GRIK2: variants seen among roughly 807,000 people sequenced by gnomAD.
GRIK2 encodes the protein glutamate receptor ionotropic, kainate 2.
GRIK2 carries 32 observed loss-of-function variants against 100.3 expected under a neutral mutation model. That is an observed-to-expected ratio of 0.32 (90% CI 0.24 to 0.43). The LOEUF is 0.43. Among genes scored for constraint, GRIK2 ranks in the 20% least tolerant of loss-of-function variants. The pLI is 1.00. For synonymous variants in GRIK2, 417 were observed against 389.4 expected (o/e 1.07, Z -0.83); for missense variants, 843 against 1,114.9 (o/e 0.76, Z 3.47).
intron 2 of GRIK2, among the ~76,000 whole-genome samples, chr6:101,426,390 A>C (rs1219793772): frequency 6.6e-6 from 1 of 152,132 alleles, no homozygotes; most frequent in Non-Finnish European, 1.5e-5. Flanking sequence ...AATTATAGTC[A>C]CCCTGCCACG....
intron 7 of GRIK2, among the ~76,000 whole-genome samples, chr6:101,714,039 A>G (rs1468406057): frequency 2.0e-5 from 3 of 151,778 alleles, no homozygotes. Flanking sequence ...TAGTAAAATA[A>G]AGATCCACCT....
intron 7 of GRIK2, among the ~76,000 whole-genome samples, chr6:101,738,882 A>G (rs987850430): frequency 6.6e-6 from 1 of 152,224 alleles, no homozygotes; most frequent in Non-Finnish European, 1.5e-5. Context: ...ACACAATATT[A>G]GTGATGATAA....
chr6:101,534,756 C>G (rs1775606558), intron 2 of GRIK2, among the ~76,000 whole-genome samples: 1 of 151,824 alleles, frequency 6.6e-6, no homozygotes, highest in South Asian at 2.1e-4. Flanking sequence ...CAACAAAACT[C>G]ACCAACTAAA....
chr6:101,949,159 A>G (rs1004565601), intron 14 of GRIK2, among the ~76,000 whole-genome samples: 1 of 151,842 alleles, frequency 6.6e-6, no homozygotes, highest in African/African-American at 2.4e-5. Context: ...ATGGAAAGGG[A>G]GAATAAGAGA....
At chr6:101,960,207 AATTATCTG>A (rs1350898382) in intron 14 of GRIK2, among the ~76,000 whole-genome samples, 2,468 of 151,646 alleles carry the variant, frequency 0.016, 68 homozygotes, top group African/African-American at 0.057. Flanking sequence ...TTTTTTTAAA[AATTATCTG>A]TAATAATTTT....
At chr6:101,502,828 A>T (rs373392118) in intron 2 of GRIK2, among the ~76,000 whole-genome samples, 16 of 152,146 alleles carry the variant, frequency 1.1e-4, no homozygotes, top group African/African-American at 3.6e-4. Flanking sequence ...CCATCATTCT[A>T]GTTCAGGGTT....
intron 7 of GRIK2, among the ~76,000 whole-genome samples, chr6:101,750,635 A>T (rs185771067): frequency 6.6e-6 from 1 of 152,348 alleles, no homozygotes; most frequent in Admixed American, 6.5e-5. Flanking sequence ...CTATAGCAAG[A>T]AAAAGCATTC....
At chr6:101,893,790 G>A (rs1582474855) in intron 12 of GRIK2, among the ~76,000 whole-genome samples, 1 of 151,516 alleles carries the variant, frequency 6.6e-6, no homozygotes, top group Non-Finnish European at 1.5e-5. Context: ...TAAGAGTTGT[G>A]CCAAATGCTT....
chr6:101,494,654 G>A (rs898266871), intron 2 of GRIK2, among the ~76,000 whole-genome samples: 1 of 151,826 alleles, frequency 6.6e-6, no homozygotes, highest in Non-Finnish European at 1.5e-5. Context: ...ACCAGGGCCA[G>A]GCATGGTGGC....
At chr6:101,980,967 T>G (rs1172455079) in intron 14 of GRIK2, among the ~76,000 whole-genome samples, 1 of 151,436 alleles carries the variant, frequency 6.6e-6, no homozygotes, top group African/African-American at 2.4e-5. Context: ...CTTTTTGTTT[T>G]CTTGGATCCC....
At chr6:101,620,349 C>A (rs774341216) in intron 2 of GRIK2, 1 of 172,346 alleles carries the variant, frequency 5.8e-6, no homozygotes, top group Admixed American at 6.5e-5. Context: ...ATATTGAGTG[C>A]CATTTCACAA....
chr6:101,516,358 C>T (rs956695258), intron 2 of GRIK2, among the ~76,000 whole-genome samples: 2 of 151,968 alleles, frequency 1.3e-5, no homozygotes, highest in African/African-American at 4.8e-5. Flanking sequence ...CCATAGTCAC[C>T]AAAAGAGTGT....
intron 12 of GRIK2, among the ~76,000 whole-genome samples, chr6:101,896,463 G>A (rs970940205): frequency 6.6e-6 from 1 of 151,692 alleles, no homozygotes; most frequent in African/African-American, 2.4e-5. Flanking sequence ...GTAATCAAAT[G>A]CTAGTTGGCA....
chr6:101,743,861 A>G (rs890842162), intron 7 of GRIK2, among the ~76,000 whole-genome samples: 11 of 152,190 alleles, frequency 7.2e-5, no homozygotes, highest in African/African-American at 2.7e-4. Context: ...GGTGGTATTT[A>G]GTTAAATGAA....
chr6:101,977,089 C>T (rs1191409801), intron 14 of GRIK2, among the ~76,000 whole-genome samples: 1 of 151,218 alleles, frequency 6.6e-6, no homozygotes, highest in Admixed American at 6.6e-5. Context: ...GGCAAGTAGG[C>T]AGTGACAGTA....
chr6:101,942,943 A>C (rs372458707), intron 14 of GRIK2, among the ~76,000 whole-genome samples: 4 of 152,214 alleles, frequency 2.6e-5, no homozygotes, highest in Non-Finnish European at 5.9e-5. Flanking sequence ...TAGCCAAGAT[A>C]ATAAGGAAAA....
chr6:101,411,582 A>G lies in GRIK2; in HGVS notation c.115+12190A>G, dbSNP rs577765741. On this transcript the variant is annotated intron_variant, in intron 2 of 16. Transcript: ENST00000369134. ...TAAGAAGTTTTTGACCTTTAAGTTT[A>G]TGATTCTTCTATTTATAATGAGCAG... Among the ~76,000 whole-genome samples the G allele has an allele frequency of 3.3e-5, 5 of 152,196 alleles. No individual in the cohort carries two copies. In the East Asian group the frequency reaches 5.8e-4, roughly 18 times the overall value.
intron 2 of GRIK2, among the ~76,000 whole-genome samples, chr6:101,511,284 C>G (rs965021748): frequency 9.9e-5 from 15 of 152,178 alleles, no homozygotes; most frequent in African/African-American, 3.4e-4. Context: ...CATGACTCGG[C>G]TTCTTGACAT....
intron 7 of GRIK2, among the ~76,000 whole-genome samples, chr6:101,706,098 T>C (rs1172826642): frequency 6.6e-6 from 1 of 151,910 alleles, no homozygotes; most frequent in African/African-American, 2.4e-5. Context: ...GCTTTGATTT[T>C]TGTTATTAGT....
Sources: gnomAD v4.1 joint callset for allele counts (sites outside exome capture counted in the v4.1 genomes callset) on GRCh38, gnomAD v4.1.1 for gene constraint, MANE v1.5 for transcripts, NCBI Gene and HGNC (gene_info 2026-07-23, HGNC 2026-07-21) for gene names.